CDH8: variants seen among roughly 807,000 people sequenced by gnomAD.
CDH8 encodes the protein cadherin 8.
In CDH8, 17 loss-of-function variants were observed where a neutral mutation model predicts 68.1. That is an observed-to-expected ratio of 0.25 (90% CI 0.17 to 0.37). CDH8 has a LOEUF of 0.37. Among genes scored for constraint, CDH8 ranks in the 10% least tolerant of loss-of-function variants. CDH8 has a pLI of 1.00. For missense variants in CDH8, 763 were observed against 999.3 expected (o/e 0.76, Z 3.19); for synonymous variants, 372 against 365.1 (o/e 1.02, Z -0.21).
intron 4 of CDH8, among the ~76,000 whole-genome samples, chr16:61,848,925 T>C (rs186009119): frequency 4.1e-4 from 63 of 152,218 alleles, no homozygotes; most frequent in African/African-American, 1.5e-3. Context: ...TTGACACCTG[T>C]TTGGCACTGG....
chr16:61,989,922 T>C (rs1251895600), intron 2 of CDH8, among the ~76,000 whole-genome samples: 1 of 152,194 alleles, frequency 6.6e-6, no homozygotes, highest in Non-Finnish European at 1.5e-5. Context: ...AACTTCTGTA[T>C]TCTTCTTCTA....
chr16:61,825,336 T>C (rs1962306594), intron 4 of CDH8, among the ~76,000 whole-genome samples, 157 bp from the exon 5 acceptor site: 1 of 151,936 alleles, frequency 6.6e-6, no homozygotes, highest in African/African-American at 2.4e-5. Context: ...GTGTGCCTGT[T>C]ACATCAATGA....
chr16:61,897,086 T>G (rs1425472191), intron 3 of CDH8, among the ~76,000 whole-genome samples: 1 of 148,082 alleles, frequency 6.8e-6, no homozygotes, highest in Non-Finnish European at 1.5e-5. Flanking sequence ...TATAATATAA[T>G]ATATAAATAT....
At chr16:61,813,117 T>C (rs1241212387) in intron 7 of CDH8, among the ~76,000 whole-genome samples, 3 of 152,206 alleles carry the variant, frequency 2.0e-5, no homozygotes, top group Non-Finnish European at 4.4e-5. Flanking sequence ...ACAGCATTTA[T>C]ACTCTGGTTA....
Position 61,818,556 on chromosome 16 carries a change from C to G in CDH8, c.1024-824G>C, listed in dbSNP as rs991540300. On this transcript the variant is annotated intron_variant, in intron 6 of 11. Coordinates refer to ENST00000577390, the MANE Select transcript of CDH8 (RefSeq NM_001796.5). ...TGACAATATTTCTGACATACTAATA[C>G]TTCATTCCCTAAAACTCTGAGAGAC... Among the ~76,000 whole-genome samples, 10 of 152,158 alleles carry G rather than the reference C, an allele frequency of 6.6e-5. No individual in the cohort carries two copies. In the South Asian group the frequency reaches 2.1e-3, roughly 31 times the overall value.
At chr16:61,874,614 T>C (rs545307543) in intron 3 of CDH8, among the ~76,000 whole-genome samples, 1 of 152,110 alleles carries the variant, frequency 6.6e-6, no homozygotes. Context: ...CAACTTACTA[T>C]AAGTTTATTG....
chr16:61,735,781 T>C (rs1400566600), intron 8 of CDH8, among the ~76,000 whole-genome samples: 1 of 151,946 alleles, frequency 6.6e-6, no homozygotes, highest in Non-Finnish European at 1.5e-5. Context: ...ACTTTAGGTA[T>C]AGAAAGGTGG....
intron 3 of CDH8, among the ~76,000 whole-genome samples, chr16:61,872,785 T>C (rs1445293328): frequency 1.3e-5 from 2 of 152,178 alleles, no homozygotes; most frequent in Non-Finnish European, 2.9e-5. Context: ...CTTAGAATTT[T>C]ATTTTTGGTT....
rs140555571 is a variant in CDH8, at chr16:62,032,275, A to G, written c.-200+3805T>C. 4.3e-3 allele frequency among the ~76,000 whole-genome samples: 649 copies of G among 152,266 alleles called. 8 individuals carry two copies. Among genetic ancestry groups the G allele is most frequent in the Middle Eastern group, 3.4e-3 (1 of 294 alleles). On this transcript the variant is annotated intron_variant, in intron 1 of 11. Coordinates refer to ENST00000577390, the MANE Select transcript of CDH8 (RefSeq NM_001796.5). ...GAACATGATAAAAATCTCAGACTTG[A>G]GCCAATAAATGAGTTCGTTATCTGG...
chr16:61,923,165 A>C lies in CDH8; in HGVS notation c.253-21692T>G, dbSNP rs140278914. 6.8e-3 allele frequency among the ~76,000 whole-genome samples: 1,036 copies of C among 152,310 alleles called. 13 individuals are homozygous for C. Among genetic ancestry groups the C allele is most frequent in the African/African-American group, 0.024 (998 of 41,566 alleles). ...TATTAAGCTGTATCAATGCTGTCTT[A>C]TACGTTGCTTCATTTGATTTTTCCC... On this transcript the variant is annotated intron_variant, in intron 2 of 11. Coordinates refer to ENST00000577390, the MANE Select transcript of CDH8 (RefSeq NM_001796.5).
At chr16:61,972,606 G>A (rs1175560239) in intron 2 of CDH8, among the ~76,000 whole-genome samples, 2 of 151,586 alleles carry the variant, frequency 1.3e-5, no homozygotes, top group African/African-American at 2.4e-5. Context: ...GTGTGTGTGT[G>A]TGTGTGTTTA....
chr16:61,884,763 G>A (rs1472033836), intron 3 of CDH8, among the ~76,000 whole-genome samples: 4 of 152,160 alleles, frequency 2.6e-5, no homozygotes, highest in Non-Finnish European at 5.9e-5. Context: ...AAAAAACCAT[G>A]TGTCAATTAA....
intron 9 of CDH8, 81 bp downstream of exon 9, chr16:61,727,013 T>C: frequency 7.1e-7 from 1 of 1,417,662 alleles, no homozygotes; most frequent in Non-Finnish European, 9.9e-7. Context: ...ATGATGCAAA[T>C]GCACAATATA....
At chr16:61,982,411 G>A (rs2150583499) in intron 2 of CDH8, among the ~76,000 whole-genome samples, 1 of 152,022 alleles carries the variant, frequency 6.6e-6, no homozygotes, top group Non-Finnish European at 1.5e-5. Context: ...AGTAGAGATG[G>A]GGTTTCACCG....
chr16:61,823,533 G>C (rs1962262735), intron 5 of CDH8, among the ~76,000 whole-genome samples: 1 of 151,780 alleles, frequency 6.6e-6, no homozygotes, highest in Non-Finnish European at 1.5e-5. Flanking sequence ...GCTTGCCAGG[G>C]CTACCATCAC....
At chr16:61,880,704 TG>T (rs1266984506) in intron 3 of CDH8, among the ~76,000 whole-genome samples, 1 of 152,108 alleles carries the variant, frequency 6.6e-6, no homozygotes, top group Non-Finnish European at 1.5e-5. Context: ...TTCAAAACCA[TG>T]TTTTGAAAAT....
chr16:61,922,222 G>A (rs2143415554), intron 2 of CDH8, among the ~76,000 whole-genome samples: 1 of 152,240 alleles, frequency 6.6e-6, no homozygotes, highest in African/African-American at 2.4e-5. Context: ...ACAAATATTA[G>A]CTGTCTGCCG....
chr16:61,679,144 T>C (rs1248727577), intron 10 of CDH8, among the ~76,000 whole-genome samples: 1 of 152,034 alleles, frequency 6.6e-6, no homozygotes, highest in African/African-American at 2.4e-5. Flanking sequence ...TAAAAGCAAT[T>C]TCTCGTGTTG....
intron 1 of CDH8, among the ~76,000 whole-genome samples, chr16:62,030,991 C>T (rs1217064600): frequency 2.6e-5 from 4 of 151,998 alleles, no homozygotes; most frequent in Admixed American, 1.3e-4. Context: ...AGAAGGAGGG[C>T]AGGAAGGAGA....
Sources: allele counts gnomAD v4.1 joint callset (sites outside exome capture counted in the v4.1 genomes callset), GRCh38; gene constraint gnomAD v4.1.1; transcripts MANE v1.5; gene names NCBI Gene and HGNC (gene_info 2026-07-23, HGNC 2026-07-21).